SLC9C1: variants seen among roughly 807,000 people sequenced by gnomAD.
SLC9C1 encodes solute carrier family 9 member C1.
A neutral mutation model predicts 140.9 loss-of-function variants in SLC9C1; 97 were observed. The ratio of observed to expected loss-of-function variants is 0.69; its 90% CI spans 0.58 to 0.82. The LOEUF is 0.82. Among genes scored for constraint, SLC9C1 ranks in the 40% least tolerant of loss-of-function variants. SLC9C1 has a pLI of 0.00. For missense variants in SLC9C1, 1,340 were observed against 1,389.3 expected (o/e 0.96, Z 0.56); for synonymous variants, 440 against 442.6 (o/e 0.99, Z 0.07).
At chr3:112,196,069 T>C (rs2077761595) in intron 20 of SLC9C1, among the ~76,000 whole-genome samples, 1 of 152,152 alleles carries the variant, frequency 6.6e-6, no homozygotes, top group Non-Finnish European at 1.5e-5. Flanking sequence ...TTGCATTTAT[T>C]TTAGGGCAGA....
chr3:112,250,958 A>G (rs1321141142), intron 10 of SLC9C1, among the ~76,000 whole-genome samples: 1 of 152,198 alleles, frequency 6.6e-6, no homozygotes, highest in East Asian at 1.9e-4. Flanking sequence ...TCACAGCACT[A>G]TTCACAAGAG....
At chr3:112,146,865 G>C (rs1409823456) in intron 28 of SLC9C1, among the ~76,000 whole-genome samples, 2 of 152,096 alleles carry the variant, frequency 1.3e-5, no homozygotes, top group African/African-American at 4.8e-5. Context: ...TTACTTTTCT[G>C]TCTCAATCTG....
chr3:112,210,110 T>G (rs1023213968), intron 15 of SLC9C1, among the ~76,000 whole-genome samples: 13 of 152,210 alleles, frequency 8.5e-5, no homozygotes, highest in Non-Finnish European at 1.3e-4. Flanking sequence ...ATTTGGTGGT[T>G]ACTCAAGAAA....
At chr3:112,150,139 T>C (rs1490643365) in intron 28 of SLC9C1, among the ~76,000 whole-genome samples, 1 of 152,198 alleles carries the variant, frequency 6.6e-6, no homozygotes, top group Non-Finnish European at 1.5e-5. Flanking sequence ...TGAAGGCTCC[T>C]ACCCTGCTCC....
At chr3:112,193,101 T>C (rs2077697916) in intron 20 of SLC9C1, among the ~76,000 whole-genome samples, 1 of 152,202 alleles carries the variant, frequency 6.6e-6, no homozygotes, top group Non-Finnish European at 1.5e-5. Flanking sequence ...CTGGAATCCA[T>C]ACTCGTGAAT....
chr3:112,226,520 G>A (rs1372116599), intron 13 of SLC9C1, among the ~76,000 whole-genome samples: 6 of 152,076 alleles, frequency 3.9e-5, no homozygotes, highest in Non-Finnish European at 7.4e-5. Context: ...TCAGGAGTTT[G>A]AGACCAGCCT....
In SLC9C1 at chr3:112,275,026, CTA is replaced by C. The variant is rs2080177733; in HGVS notation, c.485-3_485-2del. 6.4e-7 allele frequency: 1 copy of C among 1,555,824 alleles called. No homozygotes were observed. The highest frequency in any genetic ancestry group is 8.6e-7 in the Non-Finnish European group (1 of 1,161,920). On this transcript the variant is annotated splice_acceptor_variant and splice_polypyrimidine_tract_variant and intron_variant, in intron 5 of 28. Transcript: ENST00000305815. LOFTEE classifies it high-confidence loss of function. Reference sequence around the variant, plus strand: ...AAACTGATGAGGCTTCTAGAAAGCCCTACATATGTTGAGGGGGAAAGATGTTT... The same window carrying C: ...AAACTGATGAGGCTTCTAGAAAGCCCCATATGTTGAGGGGGAAAGATGTTT...
At chr3:112,269,826 T>C (rs2080022955) in intron 7 of SLC9C1, 90 bp downstream of exon 7, 3 of 1,126,362 alleles carry the variant, frequency 2.7e-6, no homozygotes, top group African/African-American at 3.2e-5. Context: ...TGAATGTTTT[T>C]ACTAACTTTT....
intron 2 of SLC9C1, among the ~76,000 whole-genome samples, chr3:112,284,644 C>T (rs75547694): frequency 0.02 from 3,024 of 152,242 alleles, 62 homozygotes; most frequent in East Asian, 0.087. Context: ...ATGTAAAGAA[C>T]AACCATGTCT....
At chr3:112,211,972 A>G (rs1229599136) in intron 15 of SLC9C1, among the ~76,000 whole-genome samples, 1 of 152,190 alleles carries the variant, frequency 6.6e-6, no homozygotes, top group Admixed American at 6.5e-5. Flanking sequence ...GGGCAGACTG[A>G]CACCTCACAA....
chr3:112,229,045 CATT>C (rs1364310719), intron 13 of SLC9C1, among the ~76,000 whole-genome samples: 1 of 152,004 alleles, frequency 6.6e-6, no homozygotes, highest in Non-Finnish European at 1.5e-5. Context: ...GACTAGAAGA[CATT>C]ATGTTAAGTG....
At chr3:112,231,532 C>T (rs2078829381) in intron 12 of SLC9C1, 46 bp from the exon 13 acceptor site, 3 of 1,534,584 alleles carry the variant, frequency 2.0e-6, no homozygotes, top group South Asian at 2.4e-5. Flanking sequence ...TGAATATTAA[C>T]ATATTGTTTA....
At chr3:112,187,497 G>GGCTTTGTGT (rs1363714593) in intron 20 of SLC9C1, among the ~76,000 whole-genome samples, 1 of 152,122 alleles carries the variant, frequency 6.6e-6, no homozygotes, top group Non-Finnish European at 1.5e-5. Context: ...AAGGCACACA[G>GGCTTTGTGT]GCTTTGTGTG....
At chr3:112,253,575 C>T (rs1294161345) in intron 10 of SLC9C1, among the ~76,000 whole-genome samples, 1 of 152,168 alleles carries the variant, frequency 6.6e-6, no homozygotes, top group Non-Finnish European at 1.5e-5. Context: ...AATAAAGACT[C>T]TGCAGAAAGC....
At chr3:112,224,088 TTCTCTACCC>T in intron 13 of SLC9C1, among the ~76,000 whole-genome samples, 1 of 152,158 alleles carries the variant, frequency 6.6e-6, no homozygotes, top group African/African-American at 2.4e-5. Context: ...ATGATCCTGG[TTCTCTACCC>T]ATGGTAGCAT....
intron 27 of SLC9C1, 85 bp from the exon 28 acceptor site, chr3:112,152,048 G>A (rs987563862): frequency 5.4e-5 from 54 of 1,008,944 alleles, no homozygotes; most frequent in Admixed American, 3.3e-4. Context: ...GGTATTTCTC[G>A]CAAGGTGGAG....
At chr3:112,193,675 G>A (rs1160385612) in intron 20 of SLC9C1, among the ~76,000 whole-genome samples, 1 of 152,040 alleles carries the variant, frequency 6.6e-6, no homozygotes, top group Non-Finnish European at 1.5e-5. Context: ...GTGGGGACAG[G>A]GCTGTTTTTC....
At chr3:112,148,311 T>A (rs1048474932) in intron 28 of SLC9C1, among the ~76,000 whole-genome samples, 4 of 152,174 alleles carry the variant, frequency 2.6e-5, no homozygotes, top group Non-Finnish European at 5.9e-5. Context: ...GTGAAATCCT[T>A]TAGTGGTGTT....
chr3:112,169,169 A>G (rs773686467), intron 24 of SLC9C1, 28 bp downstream of exon 24: 3 of 1,601,352 alleles, frequency 1.9e-6, no homozygotes, highest in Non-Finnish European at 2.6e-6. Context: ...CAAAGAAAGA[A>G]AGACAAGTTT....
Sources: gnomAD v4.1 joint callset for allele counts (sites outside exome capture counted in the v4.1 genomes callset) on GRCh38, gnomAD v4.1.1 for gene constraint, MANE v1.5 for transcripts, NCBI Gene and HGNC (gene_info 2026-07-23, HGNC 2026-07-21) for gene names.